ATP1B1: variants seen among roughly 807,000 people sequenced by gnomAD.
ATP1B1 encodes the protein sodium/potassium-transporting ATPase subunit beta-1.
Under a neutral mutation model 39.6 loss-of-function variants are expected in ATP1B1, and 3 were observed. That is an observed-to-expected ratio of 0.08 (90% confidence interval 0.03 to 0.20). The LOEUF (loss-of-function observed/expected upper bound fraction) is 0.20, where lower values mean the gene tolerates loss of function less well. Among genes scored for constraint, ATP1B1 ranks in the 10% least tolerant of loss-of-function variants. ATP1B1 has a pLI of 1.00. For missense variants in ATP1B1, 216 were observed against 371.1 expected, an observed-to-expected ratio of 0.58 and a Z score of 3.43; for synonymous variants, 139 against 135.0, an observed-to-expected ratio of 1.03 and a Z score of -0.20.
intron 2 of ATP1B1, among the ~76,000 whole-genome samples, chr1:169,122,354 T>G (rs1398614393): frequency 1.3e-5 from 2 of 151,994 alleles, no homozygotes; most frequent in African/African-American, 2.4e-5. Flanking sequence ...AAACCAGGAG[T>G]GACCCTCCCT....
rs143235750 is a variant in ATP1B1 at position 169,115,012 on chromosome 1, G to A, written c.226+3514G>A. On this transcript the variant is annotated intron_variant, in intron 2 of 5. Coordinates refer to ENST00000367815, the MANE Select transcript of ATP1B1 (RefSeq NM_001677.4). ...ATTCTGGCTAACACAGTGAAACTCC[G>A]TCTCTACTAAAAAATACAAAAAATT... 2.8e-3 allele frequency among the ~76,000 whole-genome samples: 422 copies of A among 151,906 alleles called. 1 individual carries two copies. The highest frequency in any genetic ancestry group is 9.7e-3 in the African/African-American group (400 of 41,442).
intron 2 of ATP1B1, among the ~76,000 whole-genome samples, chr1:169,115,634 C>G (rs142508589): frequency 1.6e-4 from 25 of 152,268 alleles, no homozygotes; most frequent in African/African-American, 4.3e-4. Flanking sequence ...CAGGCGTGAG[C>G]CACCGCACCT....
chr1:169,126,038 C>T (rs985440188), intron 3 of ATP1B1, among the ~76,000 whole-genome samples: 3 of 152,156 alleles, frequency 2.0e-5, no homozygotes, highest in Non-Finnish European at 4.4e-5. Context: ...GTAATATCAT[C>T]CCTTCTGATT....
intron 2 of ATP1B1, among the ~76,000 whole-genome samples, chr1:169,113,216 C>T (rs920839487): frequency 9.9e-5 from 15 of 152,190 alleles, no homozygotes; most frequent in African/African-American, 3.4e-4. Context: ...TAGGCATGCA[C>T]CACCATGCCT....
In ATP1B1 at chr1:169,111,386, C is replaced by G. The variant is rs1173961208; in HGVS notation, c.114C>G (p.Phe38Leu). The change falls in exon 2 of 6, where the codon TTC (phenylalanine) becomes TTG (leucine). Residue 38 changes from phenylalanine (F) to leucine (L), a missense_variant. By Grantham distance (22) the Phe-to-Leu change is conservative. Transcript: ENST00000367815. ...TTCTTGCAGTTAAGATCCTTCTATT[C>G]TACGTAATATTTTATGGCTGCCTGG... ...TGGSWFKILL[F>L]YVIFYGCLAG... 1.2e-6 allele frequency: 2 copies of G among 1,614,160 alleles called. No individual in the cohort carries two copies. Among genetic ancestry groups the G allele is most frequent in the South Asian group, 1.1e-5 (1 of 91,086 alleles).
At chr1:169,126,378 A>G (rs1248055624) in intron 3 of ATP1B1, among the ~76,000 whole-genome samples, 1 of 152,204 alleles carries the variant, frequency 6.6e-6, no homozygotes, top group African/African-American at 2.4e-5. Context: ...CATGCTATAC[A>G]TTAACTTTGA....
At chr1:169,110,591 T>TTTTTTTTC in intron 1 of ATP1B1, 1 of 1,149,818 alleles carries the variant, frequency 8.7e-7, no homozygotes, top group Non-Finnish European at 1.1e-6. Flanking sequence ...TTTTTTGCTT[T>TTTTTTTTC]TGCAGCTATT....
chr1:169,109,782 G>C (rs1200133), intron 1 of ATP1B1, among the ~76,000 whole-genome samples: 41,719 of 150,416 alleles, frequency 0.28, 6,147 homozygotes, highest in South Asian at 0.37. Context: ...TGGGGGTGGG[G>C]GGCAGCAAGA....
At chr1:169,116,733 C>A (rs963206302) in intron 2 of ATP1B1, among the ~76,000 whole-genome samples, 2 of 152,026 alleles carry the variant, frequency 1.3e-5, no homozygotes, top group African/African-American at 4.8e-5. Flanking sequence ...CACCTCTAAT[C>A]CCAGTTACTT....
At chr1:169,121,710 C>T (rs991528803) in intron 2 of ATP1B1, among the ~76,000 whole-genome samples, 3 of 152,172 alleles carry the variant, frequency 2.0e-5, no homozygotes, top group Non-Finnish European at 2.9e-5. Flanking sequence ...ACACTTGCTT[C>T]GCAATCCAGG....
chr1:169,130,624 T>TA (rs1658190588), intron 5 of ATP1B1, among the ~76,000 whole-genome samples: 1 of 151,832 alleles, frequency 6.6e-6, no homozygotes, highest in Non-Finnish European at 1.5e-5. Context: ...CTGTCTCTAC[T>TA]ACACATACAA....
chr1:169,117,310 A>C (rs1657871510), intron 2 of ATP1B1, among the ~76,000 whole-genome samples: 1 of 152,198 alleles, frequency 6.6e-6, no homozygotes, highest in Non-Finnish European at 1.5e-5. Flanking sequence ...CAGCCTTATG[A>C]CTTGGTAAAG....
chr1:169,107,511 G>A (rs899871138), intron 1 of ATP1B1, among the ~76,000 whole-genome samples: 1 of 152,110 alleles, frequency 6.6e-6, no homozygotes, highest in Non-Finnish European at 1.5e-5. Flanking sequence ...ACCCAGAAAT[G>A]GTTCAATAAG....
At chr1:169,107,038 C>G in intron 1 of ATP1B1, 112 bp downstream of exon 1, 2 of 1,046,002 alleles carry the variant, frequency 1.9e-6, no homozygotes, top group Non-Finnish European at 1.4e-6. Context: ...GCCGGGGTGG[C>G]GGGGGCGAGG....
At chr1:169,110,646 T>C (rs1245925543) in intron 1 of ATP1B1, 13 of 1,260,614 alleles carry the variant, frequency 1.0e-5, no homozygotes, top group Admixed American at 5.1e-5. Context: ...AAAAAGAAAA[T>C]GCAGCCCAGC....
At chr1:169,114,960 G>A (rs189977548) in intron 2 of ATP1B1, among the ~76,000 whole-genome samples, 17 of 152,042 alleles carry the variant, frequency 1.1e-4, no homozygotes, top group African/African-American at 1.4e-4. Context: ...CGAGGCAGGC[G>A]GATCATGAGG....
intron 1 of ATP1B1, among the ~76,000 whole-genome samples, chr1:169,107,221 C>T (rs796826243): frequency 6.6e-6 from 1 of 152,128 alleles, no homozygotes; most frequent in African/African-American, 2.4e-5. Context: ...ATCGGTTGAG[C>T]CTTTTACTCC....
At chr1:169,113,824 C>T (rs1657777184) in intron 2 of ATP1B1, among the ~76,000 whole-genome samples, 1 of 152,212 alleles carries the variant, frequency 6.6e-6, no homozygotes, top group Non-Finnish European at 1.5e-5. Context: ...GTCTGAGTCA[C>T]AGGAAAAGTC....
At chr1:169,108,691 C>G (rs577207314) in intron 1 of ATP1B1, among the ~76,000 whole-genome samples, 1 of 152,266 alleles carries the variant, frequency 6.6e-6, no homozygotes, top group African/African-American at 2.4e-5. Flanking sequence ...ATGGGCAGCA[C>G]CTCCATGAGA....
Sources: gnomAD v4.1 joint callset for allele counts (sites outside exome capture counted in the v4.1 genomes callset) on GRCh38, gnomAD v4.1.1 for gene constraint, MANE v1.5 for transcripts, NCBI Gene and HGNC (gene_info 2026-07-23, HGNC 2026-07-21) for gene names.